Variants in GXYLT2 observed in about 807,000 individuals in gnomAD.
GXYLT2 encodes glucoside xylosyltransferase 2.
Under a neutral mutation model 45.8 loss-of-function variants are expected in GXYLT2, and 53 were observed. The observed-to-expected ratio is 1.16, with a 90% confidence interval of 0.93 to 1.46. GXYLT2 has a LOEUF of 1.46. Ranked by LOEUF, GXYLT2 falls within the 40% of genes most tolerant of loss-of-function variation. The pLI, the probability that GXYLT2 is intolerant of heterozygous loss-of-function variation, is 0.00. For synonymous variants in GXYLT2, 219 were observed against 214.2 expected, an observed-to-expected ratio of 1.02 and a Z score of -0.19; for missense variants, 551 against 544.4, an observed-to-expected ratio of 1.01 and a Z score of -0.12.
chr3:72,950,343 C>T (rs180671402), intron 3 of GXYLT2, among the ~76,000 whole-genome samples: 4 of 152,214 alleles, frequency 2.6e-5, no homozygotes. Context: ...GACCTGTAAT[C>T]CCAGCTACTC....
intron 3 of GXYLT2, among the ~76,000 whole-genome samples, chr3:72,939,684 C>CTTT (rs34955124): frequency 7.2e-6 from 1 of 139,252 alleles, no homozygotes. Context: ...CTTTTCTTTC[C>CTTT]TTTTTTTTTT....
At chr3:72,912,013 A>ATATATATATT (rs1156864738) in intron 2 of GXYLT2, among the ~76,000 whole-genome samples, 54 of 114,876 alleles carry the variant, frequency 4.7e-4, no homozygotes, top group African/African-American at 1.9e-3. Flanking sequence ...ATATATATAT[A>ATATATATATT]TTTTTTTTTT....
intron 4 of GXYLT2, among the ~76,000 whole-genome samples, chr3:72,955,569 C>T (rs563133660): frequency 6.6e-5 from 10 of 152,316 alleles, no homozygotes; most frequent in Non-Finnish European, 1.3e-4. Context: ...AGTCGCCATT[C>T]AGGAATACTA....
chr3:72,930,501 T>C (rs1455502672), intron 3 of GXYLT2, among the ~76,000 whole-genome samples: 2 of 83,780 alleles, frequency 2.4e-5, no homozygotes, highest in Non-Finnish European at 5.4e-5. Context: ...AAACCCTGTC[T>C]CAAAAAAAAA....
intron 5 of GXYLT2, among the ~76,000 whole-genome samples, chr3:72,966,458 C>CTTTTTTTTTTTTTTTTT (rs10662974): frequency 8.9e-5 from 9 of 101,636 alleles, no homozygotes; most frequent in East Asian, 6.8e-4. Flanking sequence ...TTGTGTGTAT[C>CTTTTTTTTTTTTTTTTT]TTTTTTTTTT....
chr3:72,906,752 C>T (rs1709517593), intron 1 of GXYLT2, among the ~76,000 whole-genome samples: 1 of 152,128 alleles, frequency 6.6e-6, no homozygotes, highest in Non-Finnish European at 1.5e-5. Flanking sequence ...GTGCCAAGAC[C>T]TGGAGCCAAC....
intron 1 of GXYLT2, among the ~76,000 whole-genome samples, chr3:72,897,171 G>C (rs72878560): frequency 6.6e-6 from 1 of 152,124 alleles, no homozygotes; most frequent in Non-Finnish European, 1.5e-5. Flanking sequence ...TCAGTTGCAC[G>C]TGATAGAATA....
intron 2 of GXYLT2, among the ~76,000 whole-genome samples, chr3:72,909,473 C>T (rs1709577836): frequency 6.6e-6 from 1 of 151,996 alleles, no homozygotes; most frequent in African/African-American, 2.4e-5. Flanking sequence ...AATTGTATTT[C>T]TTTTACGAAA....
chr3:72,953,307 A>ATTG (rs1370887938), intron 3 of GXYLT2, among the ~76,000 whole-genome samples: 1 of 152,040 alleles, frequency 6.6e-6, no homozygotes, highest in Non-Finnish European at 1.5e-5. Context: ...TATTATTATT[A>ATTG]TTTTGAGACA....
At chr3:72,949,200 G>T (rs185176940) in intron 3 of GXYLT2, among the ~76,000 whole-genome samples, 2 of 152,258 alleles carry the variant, frequency 1.3e-5, no homozygotes, top group Admixed American at 6.5e-5. Flanking sequence ...TGGACAGCCT[G>T]ATCTCTCACC....
chr3:72,949,502 CTTTTTTTTTTTTTTTT>C (rs56323434), intron 3 of GXYLT2, among the ~76,000 whole-genome samples: 3 of 72,638 alleles, frequency 4.1e-5, no homozygotes, highest in East Asian at 5.0e-4. Flanking sequence ...CTTTCTTTTT[CTTTTTTTTTTTTTTTT>C]TTTTTTTTTT....
chr3:72,890,372 C>T (rs1709159844), intron 1 of GXYLT2, among the ~76,000 whole-genome samples: 1 of 152,216 alleles, frequency 6.6e-6, no homozygotes, highest in South Asian at 2.1e-4. Flanking sequence ...TTAACACGTC[C>T]CTCCCATTGT....
intron 3 of GXYLT2, among the ~76,000 whole-genome samples, chr3:72,954,484 C>T (rs1710593769): frequency 6.7e-6 from 1 of 149,544 alleles, no homozygotes; most frequent in African/African-American, 2.5e-5. Context: ...CAGGGCCCCC[C>T]ATTAACACTA....
chr3:72,928,716 T>C (rs974726693), intron 3 of GXYLT2, among the ~76,000 whole-genome samples: 1 of 151,932 alleles, frequency 6.6e-6, no homozygotes, highest in African/African-American at 2.4e-5. Flanking sequence ...GCCTCAAAAA[T>C]TCAAATGGTC....
chr3:72,903,208 A>G (rs1709439532), intron 1 of GXYLT2, among the ~76,000 whole-genome samples: 1 of 152,200 alleles, frequency 6.6e-6, no homozygotes, highest in Non-Finnish European at 1.5e-5. Context: ...ATTGGAATAC[A>G]TGGAATTAGG....
chr3:72,918,066 A>G (rs1709771150), intron 2 of GXYLT2, among the ~76,000 whole-genome samples: 1 of 152,186 alleles, frequency 6.6e-6, no homozygotes. Context: ...TCTCTATCCC[A>G]ACTACTCAAT....
intron 5 of GXYLT2, among the ~76,000 whole-genome samples, chr3:72,960,661 C>T (rs1710750914): frequency 1.3e-5 from 2 of 152,182 alleles, no homozygotes; most frequent in South Asian, 4.1e-4. Flanking sequence ...TTTGATCTTC[C>T]TATTTCATAC....
chr3:72,932,011 A>C (rs1710046629), intron 3 of GXYLT2, among the ~76,000 whole-genome samples: 1 of 152,216 alleles, frequency 6.6e-6, no homozygotes, highest in South Asian at 2.1e-4. Context: ...ATTGTATTTC[A>C]ATCAATTAGG....
intron 6 of GXYLT2, among the ~76,000 whole-genome samples, chr3:72,968,687 G>A (rs1421395789): frequency 6.6e-6 from 1 of 152,198 alleles, no homozygotes; most frequent in Non-Finnish European, 1.5e-5. Flanking sequence ...CAGCACTTGG[G>A]GAGGCCAAGG....
Sources: allele counts gnomAD v4.1 joint callset (sites outside exome capture counted in the v4.1 genomes callset), GRCh38; gene constraint gnomAD v4.1.1; transcripts MANE v1.5; gene names NCBI Gene and HGNC (gene_info 2026-07-23, HGNC 2026-07-21).